The following SLC4A4 variants were observed in gnomAD, a reference collection of about 807,000 sequenced individuals.
The protein encoded by SLC4A4 is electrogenic sodium bicarbonate cotransporter 1.
A neutral mutation model predicts 111.5 loss-of-function variants in SLC4A4; 27 were observed. The ratio of observed to expected loss-of-function variants is 0.24; its 90% CI spans 0.18 to 0.33. The LOEUF (loss-of-function observed/expected upper bound fraction) is 0.33, where lower values mean the gene tolerates loss of function less well. Among genes scored for constraint, SLC4A4 ranks in the 10% least tolerant of loss-of-function variants. The probability of loss-of-function intolerance (pLI) is 1.00; values close to 1 mark genes in which losing one functional copy is unlikely to be tolerated. For missense variants in SLC4A4, 909 were observed against 1,315.5 expected, an observed-to-expected ratio of 0.69 and a Z score of 4.78; for synonymous variants, 443 against 463.4, an observed-to-expected ratio of 0.96 and a Z score of 0.57.
chr4:71,517,855 T>C (rs1732550324), intron 16 of SLC4A4, among the ~76,000 whole-genome samples: 1 of 150,936 alleles, frequency 6.6e-6, no homozygotes, highest in Non-Finnish European at 1.5e-5. Flanking sequence ...CCAGTTAGGC[T>C]GACCTGGTTC....
In SLC4A4 at chr4:71,404,942, C is replaced by T. The variant is rs530776679; in HGVS notation, c.807+7289C>T. On this transcript the variant is annotated intron_variant, in intron 7 of 25. Transcript: ENST00000264485. ...TCCTGAATAGTGGGGACTACAGGTG[C>T]ACACCACCATACCCAGCTAATTTTT... is the stretch of plus-strand genomic sequence containing the variant. 4.6e-5 allele frequency among the ~76,000 whole-genome samples: 7 copies of T among 152,018 alleles called. No homozygotes were observed. In the South Asian group the frequency reaches 1.4e-3, roughly 31 times the overall value.
intron 3 of SLC4A4, among the ~76,000 whole-genome samples, chr4:71,259,390 T>TGTGG: frequency 6.6e-6 from 1 of 152,126 alleles, no homozygotes; most frequent in Non-Finnish European, 1.5e-5. Flanking sequence ...CAGCTCCAAG[T>TGTGG]CCTTTCACAG....
In SLC4A4 at chr4:71,466,520, T is replaced by C. The variant is rs1400192982; in HGVS notation, c.1574T>C (p.Ile525Thr). ...FCLFAGQPLT[I>T]LSSTGPVLVF... is the part of the protein sequence containing the mutation. ...CTTTTTGCTGGTCAACCACTCACTA[T>C]TCTGAGCAGCACCGGACCTGTCCTA... The change falls in exon 13 of 26, where the codon ATT (isoleucine) becomes ACT (threonine). Residue 525 changes from isoleucine (I) to threonine (T), a missense_variant. Ile to Thr is a moderately conservative substitution (Grantham distance 89). Transcript: ENST00000264485. 1 of 1,613,626 alleles carries C rather than the reference T, an allele frequency of 6.2e-7. No homozygotes were observed. The highest frequency in any genetic ancestry group is 1.1e-5 in the South Asian group (1 of 91,082).
chr4:71,092,785 G>C (rs997542576), exon 2 of SLC4A4, among the ~76,000 whole-genome samples: 1 of 152,146 alleles, frequency 6.6e-6, no homozygotes, highest in East Asian at 1.9e-4. Context: ...ACTGATGCTT[G>C]ACCTATTGTA....
intron 3 of SLC4A4, among the ~76,000 whole-genome samples, chr4:71,255,808 A>G (rs1356225363): frequency 2.6e-5 from 4 of 152,302 alleles, no homozygotes; most frequent in South Asian, 2.1e-4. Context: ...ATATATTTAC[A>G]TATCTTACCA....
chr4:71,217,825 A>T lies in SLC4A4; in HGVS notation c.-1-18751A>T, dbSNP rs761746071. On this transcript the variant is annotated intron_variant, in intron 1 of 25. Transcript: ENST00000264485. Reference sequence around the variant, plus strand: ...TAGAACTGGAAGCAGAGGCAGGAAGACTTACAAAACAGACTCTGAGGTCTT... The same window carrying T: ...TAGAACTGGAAGCAGAGGCAGGAAGTCTTACAAAACAGACTCTGAGGTCTT... Among the ~76,000 whole-genome samples, 10 of 152,290 alleles carry T rather than the reference A, an allele frequency of 6.6e-5. No individual in the cohort carries two copies. In the South Asian group the frequency reaches 1.2e-3, roughly 19 times the overall value.
intron 1 of SLC4A4, among the ~76,000 whole-genome samples, chr4:71,092,497 G>A (rs1394902828): frequency 6.6e-6 from 1 of 152,108 alleles, no homozygotes; most frequent in Non-Finnish European, 1.5e-5. Context: ...CATTTTCTAG[G>A]AAGAAATATT....
intron 14 of SLC4A4, among the ~76,000 whole-genome samples, chr4:71,478,943 A>G (rs1013988469): frequency 1.4e-4 from 21 of 151,852 alleles, no homozygotes; most frequent in Non-Finnish European, 3.0e-4. Context: ...CTAATGTGTA[A>G]ATCTTGCAGT....
chr4:71,174,704 TA>T (rs1274233941), intron 2 of SLC4A4, among the ~76,000 whole-genome samples: 1 of 152,236 alleles, frequency 6.6e-6, no homozygotes. Flanking sequence ...GATTTAAAAG[TA>T]AAACAACATT....
intron 16 of SLC4A4, among the ~76,000 whole-genome samples, chr4:71,499,594 C>T (rs1209691650): frequency 6.6e-6 from 1 of 152,144 alleles, no homozygotes; most frequent in East Asian, 1.9e-4. Context: ...CCATTCCCCG[C>T]CTCCAGTAGG....
chr4:71,148,066 G>C (rs1744226697), intron 2 of SLC4A4, among the ~76,000 whole-genome samples: 1 of 152,164 alleles, frequency 6.6e-6, no homozygotes, highest in Admixed American at 6.6e-5. Context: ...GAGACTCATG[G>C]AATCATAGAA....
At chr4:71,371,358 C>G (rs1380581995) in intron 6 of SLC4A4, among the ~76,000 whole-genome samples, 14 of 151,698 alleles carry the variant, frequency 9.2e-5, no homozygotes, top group African/African-American at 2.4e-5. Context: ...ATTCTCCTGC[C>G]TCAGCCTCCC....
At chr4:71,340,577 A>G (rs759355862) in intron 4 of SLC4A4, among the ~76,000 whole-genome samples, 1 of 152,168 alleles carries the variant, frequency 6.6e-6, no homozygotes, top group Non-Finnish European at 1.5e-5. Flanking sequence ...TCCCCTGTGA[A>G]TAAGGGGACT....
intron 3 of SLC4A4, chr4:71,339,051 G>A (rs1276167288): frequency 1.3e-6 from 2 of 1,499,776 alleles, no homozygotes; most frequent in Non-Finnish European, 1.8e-6. Flanking sequence ...CATAAGTGGA[G>A]AAGGAGGGGA....
At chr4:71,193,757 C>G (rs1189847451) in intron 1 of SLC4A4, among the ~76,000 whole-genome samples, 1 of 151,932 alleles carries the variant, frequency 6.6e-6, no homozygotes, top group African/African-American at 2.4e-5. Flanking sequence ...GTTTTTTGCT[C>G]CTGAAGTTTT....
At chr4:71,430,231 G>T (rs1362079636) in intron 7 of SLC4A4, among the ~76,000 whole-genome samples, 1 of 151,994 alleles carries the variant, frequency 6.6e-6, no homozygotes, top group Non-Finnish European at 1.5e-5. Flanking sequence ...GCATTACAGG[G>T]TGTCTGTTTT....
chr4:71,526,371 A>G (rs1432856773), intron 16 of SLC4A4, among the ~76,000 whole-genome samples: 1 of 152,088 alleles, frequency 6.6e-6, no homozygotes, highest in East Asian at 1.9e-4. Context: ...TGCAGACTAT[A>G]TCACCCTGAC....
At chr4:71,079,167 G>A (rs1470167364) in intron 1 of SLC4A4, among the ~76,000 whole-genome samples, 2 of 152,084 alleles carry the variant, frequency 1.3e-5, no homozygotes, top group Non-Finnish European at 2.9e-5. Flanking sequence ...TCCCTGCTTT[G>A]GTGAAATTGT....
intron 7 of SLC4A4, among the ~76,000 whole-genome samples, chr4:71,407,802 T>C (rs1049206880): frequency 6.6e-6 from 1 of 152,046 alleles, no homozygotes; most frequent in Non-Finnish European, 1.5e-5. Context: ...TTGTAGTTAG[T>C]GTGACATGTA....
Sources: gnomAD v4.1 joint callset for allele counts (sites outside exome capture counted in the v4.1 genomes callset) on GRCh38, gnomAD v4.1.1 for gene constraint, MANE v1.5 for transcripts, NCBI Gene and HGNC (gene_info 2026-07-23, HGNC 2026-07-21) for gene names.